The following PDE4D variants were observed in gnomAD, a reference collection of about 807,000 sequenced individuals.
The protein encoded by PDE4D is 3',5'-cyclic-AMP phosphodiesterase 4D.
PDE4D carries 24 observed loss-of-function variants against 87.4 expected under a neutral mutation model. The ratio of observed to expected loss-of-function variants is 0.27; its 90% CI spans 0.20 to 0.39. The LOEUF is 0.39. PDE4D is among the 10% of genes least tolerant of loss of function. The pLI is 1.00. For missense variants in PDE4D, 714 were observed against 1,041.0 expected (o/e 0.69, Z 4.32); for synonymous variants, 384 against 383.2 (o/e 1.00, Z -0.02).
chr5:59,134,090 C>G (rs916516501), intron 5 of PDE4D, among the ~76,000 whole-genome samples: 1 of 150,162 alleles, frequency 6.7e-6, no homozygotes, highest in African/African-American at 2.5e-5. Flanking sequence ...CCTTTCACCC[C>G]CTCAACTCCA....
At chr5:59,199,692 G>C (rs899897747) in intron 2 of PDE4D, among the ~76,000 whole-genome samples, 13 of 151,944 alleles carry the variant, frequency 8.6e-5, no homozygotes, top group African/African-American at 3.1e-4. Flanking sequence ...AATATTTCTG[G>C]GAGCCTAGAC....
At chr5:60,019,013 A>G (rs974135831) in intron 2 of PDE4D, among the ~76,000 whole-genome samples, 3 of 152,132 alleles carry the variant, frequency 2.0e-5, no homozygotes, top group Non-Finnish European at 4.4e-5. Flanking sequence ...CTCTCCACCC[A>G]AAAACAATAG....
At chr5:60,463,460 C>T (rs1554040004) in intron 1 of PDE4D, among the ~76,000 whole-genome samples, 1 of 152,118 alleles carries the variant, frequency 6.6e-6, no homozygotes, top group African/African-American at 2.4e-5. Flanking sequence ...TTAAACATGA[C>T]CACACATCAC....
At chr5:59,835,181 A>G (rs2152701971) in intron 1 of PDE4D, among the ~76,000 whole-genome samples, 1 of 152,144 alleles carries the variant, frequency 6.6e-6, no homozygotes, top group Middle Eastern at 3.4e-3. Context: ...AAATTACTCA[A>G]TCTTTCTGAT....
chr5:60,489,854 C>T (rs1749431357), upstream of PDE4D: 2 of 152,196 alleles, frequency 1.3e-5, no homozygotes, highest in Non-Finnish European at 2.9e-5. Context: ...TCCCCTTGAA[C>T]TCCCATGTTC....
chr5:58,981,573 T>C (rs913139907), intron 11 of PDE4D, among the ~76,000 whole-genome samples: 6 of 151,900 alleles, frequency 3.9e-5, no homozygotes, highest in South Asian at 2.1e-4. Context: ...AATATATGTA[T>C]ATATACATAT....
intron 1 of PDE4D, among the ~76,000 whole-genome samples, chr5:59,271,560 G>GATC (rs1038341138): frequency 6.6e-6 from 1 of 151,956 alleles, no homozygotes; most frequent in Non-Finnish European, 1.5e-5. Flanking sequence ...TTTCCACTGT[G>GATC]ATCATGAGGC....
At chr5:59,967,801 GCT>G (rs1362792856) in intron 3 of PDE4D, among the ~76,000 whole-genome samples, 4 of 152,162 alleles carry the variant, frequency 2.6e-5, no homozygotes, top group African/African-American at 7.2e-5. Context: ...GCACTCATAT[GCT>G]CATCACTGCA....
intron 1 of PDE4D, among the ~76,000 whole-genome samples, chr5:59,307,427 T>A (rs1033647295): frequency 1.6e-4 from 24 of 151,700 alleles, no homozygotes; most frequent in Non-Finnish European, 3.4e-4. Context: ...ACAGGCAACC[T>A]ACAAAATGGG....
rs142762931 is a variant in PDE4D, at chr5:59,716,473, C to T, written c.455+176695G>A. ...ACAACAATGTGATAAACAGGTAACC[C>T]TCATACACCGATTGCCAGACAGTAA... On this transcript the variant is annotated intron_variant, in intron 1 of 14. Coordinates refer to ENST00000340635, the MANE Select transcript of PDE4D (RefSeq NM_001104631.2). Among the ~76,000 whole-genome samples the T allele has an allele frequency of 4.5e-3, 689 of 152,264 alleles. 4 individuals carry two copies. The highest frequency in any genetic ancestry group is 7.7e-3 in the Non-Finnish European group (522 of 68,018).
At chr5:59,624,800 G>C (rs1830708976) in intron 1 of PDE4D, among the ~76,000 whole-genome samples, 1 of 152,102 alleles carries the variant, frequency 6.6e-6, no homozygotes, top group Non-Finnish European at 1.5e-5. Flanking sequence ...AATTCTGATT[G>C]CTATAATTGA....
At chr5:60,499,400 G>C (rs1351164607) in intron 1 of PDE4D, among the ~76,000 whole-genome samples, 3 of 152,144 alleles carry the variant, frequency 2.0e-5, no homozygotes, top group Non-Finnish European at 4.4e-5. Flanking sequence ...AACTTTCATT[G>C]AGATTTCAGC....
intron 1 of PDE4D, among the ~76,000 whole-genome samples, chr5:60,513,164 G>A (rs1416776446): frequency 2.6e-5 from 4 of 151,966 alleles, no homozygotes; most frequent in Non-Finnish European, 5.9e-5. Context: ...TTCAAAAGAC[G>A]AAATTTGCCA....
intron 1 of PDE4D, among the ~76,000 whole-genome samples, chr5:59,683,601 A>G (rs947154724): frequency 6.6e-6 from 1 of 152,180 alleles, no homozygotes; most frequent in East Asian, 1.9e-4. Context: ...CTGTACAGAA[A>G]GTAAATATAT....
At chr5:59,634,332 C>T (rs1393551291) in intron 1 of PDE4D, among the ~76,000 whole-genome samples, 1 of 152,146 alleles carries the variant, frequency 6.6e-6, no homozygotes, top group Non-Finnish European at 1.5e-5. Flanking sequence ...ATGAACGAGA[C>T]AGAAAATTAA....
intron 1 of PDE4D, among the ~76,000 whole-genome samples, chr5:60,277,097 G>A (rs1751450750): frequency 6.6e-6 from 1 of 150,598 alleles, no homozygotes; most frequent in Admixed American, 6.6e-5. Flanking sequence ...ATACATTTAA[G>A]GTATATAAAA....
intron 2 of PDE4D, among the ~76,000 whole-genome samples, chr5:60,158,899 C>T (rs1782234647): frequency 6.6e-6 from 1 of 152,176 alleles, no homozygotes; most frequent in Non-Finnish European, 1.5e-5. Flanking sequence ...TTTACATTTT[C>T]TTTCTTCAAT....
chr5:59,721,605 GC>G (rs1174991317), intron 1 of PDE4D, among the ~76,000 whole-genome samples: 5 of 152,064 alleles, frequency 3.3e-5, no homozygotes, highest in African/African-American at 1.2e-4. Context: ...CAGATCATAT[GC>G]CCTTTATTAC....
At chr5:59,742,547 C>T (rs1158472658) in intron 1 of PDE4D, among the ~76,000 whole-genome samples, 1 of 152,146 alleles carries the variant, frequency 6.6e-6, no homozygotes, top group Non-Finnish European at 1.5e-5. Context: ...GTAAACCAGG[C>T]TTTGAACAAC....
Sources: allele counts gnomAD v4.1 joint callset (sites outside exome capture counted in the v4.1 genomes callset), GRCh38; gene constraint gnomAD v4.1.1; transcripts MANE v1.5; gene names NCBI Gene and HGNC (gene_info 2026-07-23, HGNC 2026-07-21).